The following NUP188 variants were observed in gnomAD, a reference collection of about 807,000 sequenced individuals.
NUP188 encodes nucleoporin NUP188.
A neutral mutation model predicts 223.0 loss-of-function variants in NUP188; 97 were observed. The ratio of observed to expected loss-of-function variants is 0.43; its 90% CI spans 0.37 to 0.51. NUP188 has a LOEUF of 0.51. NUP188 is among the 20% of genes least tolerant of loss of function. The pLI is 0.00. For synonymous variants in NUP188, 869 were observed against 828.0 expected (o/e 1.05, Z -0.85); for missense variants, 1,947 against 2,175.6 (o/e 0.89, Z 2.09).
chr9:128,985,034 A>AGGG lies in NUP188; in HGVS notation c.2076+20_2076+21insGGG, dbSNP rs1200600158. On this transcript the variant is annotated intron_variant, in intron 20 of 43. Coordinates refer to ENST00000372577, the MANE Select transcript of NUP188 (RefSeq NM_015354.3). The stretch of plus-strand genomic sequence containing the variant: ...GTCAAGGTACAGTCTGATTTTGTTC[A>AGGG]CAAAGGGCAGAAAAAGAAAAGGTCC... The AGGG allele has an allele frequency of 5.1e-6, 8 of 1,557,198 alleles. No homozygotes were observed. In the South Asian group the frequency reaches 9.0e-5, roughly 17 times the overall value.
chr9:129,001,969 C>T lies in NUP188; in HGVS notation c.4130C>T (p.Thr1377Ile). 6.2e-7 allele frequency: 1 copy of T among 1,613,900 alleles called. No individual in the cohort carries two copies. Among genetic ancestry groups the T allele is most frequent in the Non-Finnish European group, 8.5e-7 (1 of 1,179,778 alleles). The change falls in exon 36 of 44, where the codon ACA (threonine) becomes ATA (isoleucine). Residue 1377 changes from threonine to isoleucine, a missense_variant. Physicochemically the swap from Thr to Ile is moderately conservative, Grantham distance 89. This residue lies in a region of NUP188 where 905 missense variants were observed against 990.6 expected (regional missense o/e 0.91). Coordinates refer to ENST00000372577, the MANE Select transcript of NUP188 (RefSeq NM_015354.3). ...LSVYQLSTNG[T>I]AQTPSASRKS... ...GTGTACCAGCTGAGCACCAACGGCA[C>T]AGCACAGGTGAGTGTCAGGAGCTTG...
chr9:129,006,704 C>T lies in NUP188; in HGVS notation c.*26C>T, dbSNP rs1842817679. 1 of 1,600,144 alleles carries T rather than the reference C, an allele frequency of 6.2e-7. No homozygotes were observed. The highest frequency in any genetic ancestry group is 8.5e-7 in the Non-Finnish European group (1 of 1,175,126). On this transcript the variant is annotated 3_prime_UTR_variant, in exon 44 of 44. Transcript: ENST00000372577. ...GGCAGTGCTGTTCTGCCCACCTACC[C>T]CTCTCCACCAGCCTACACTGCACCC...
intron 1 of NUP188, 173 bp downstream of exon 1, chr9:128,947,924 G>A (rs890584641): frequency 2.3e-5 from 11 of 481,262 alleles, no homozygotes; most frequent in African/African-American, 2.2e-4. Context: ...CCGCGCGCGG[G>A]GATCTGAAGA....
intron 17 of NUP188, 55 bp from the exon 18 acceptor site, chr9:128,983,237 AG>A: frequency 1.3e-6 from 2 of 1,510,942 alleles, no homozygotes; most frequent in Non-Finnish European, 1.8e-6. Context: ...AATGTTTGTG[AG>A]GGAACCAGTT....
intron 37 of NUP188, 138 bp downstream of exon 37, chr9:129,003,113 G>C: frequency 8.9e-7 from 1 of 1,123,382 alleles, no homozygotes; most frequent in Non-Finnish European, 1.2e-6. Context: ...GATGCTCTAA[G>C]TACTCTGCTG....
At chr9:128,968,763 A>C (rs1306139998) in intron 9 of NUP188, 46 bp downstream of exon 9, 1 of 1,424,118 alleles carries the variant, frequency 7.0e-7, no homozygotes, top group Non-Finnish European at 9.9e-7. Flanking sequence ...TGTTTAGAGC[A>C]TTGATACTAT....
In NUP188 at chr9:128,981,246, T is replaced by G; in HGVS notation, c.1390-18T>G. ...TATCCTGGAGGGAAATGTGTGATGG[T>G]TTTTTCTGTTTTGGCAGGTGTATAG... On this transcript the variant is annotated intron_variant, in intron 14 of 43. Transcript: ENST00000372577. The G allele has an allele frequency of 1.2e-6, 2 of 1,610,518 alleles. No individual in the cohort carries two copies. The highest frequency in any genetic ancestry group is 1.7e-6 in the Non-Finnish European group (2 of 1,178,728).
In NUP188 at chr9:129,005,535, T is replaced by C. The variant is rs1180766210; in HGVS notation, c.4737+5T>C. On this transcript the variant is annotated splice_donor_5th_base_variant and intron_variant, in intron 40 of 43. Coordinates refer to ENST00000372577, the MANE Select transcript of NUP188 (RefSeq NM_015354.3). ...TGCCAGATTCTGCTGGATCAGGTACTGCCCATCATCTGTTCAGCACCACCT... is the reference window on the plus strand; with the variant it reads ...TGCCAGATTCTGCTGGATCAGGTACCGCCCATCATCTGTTCAGCACCACCT... 6.4e-7 allele frequency: 1 copy of C among 1,565,988 alleles called. No homozygotes were observed. The highest frequency in any genetic ancestry group is 1.1e-5 in the South Asian group (1 of 90,212).
At position 128,957,020 on chromosome 9, in the gene NUP188, G is replaced by C. The variant is rs749516968; in HGVS notation, c.315G>C (p.Arg105=). 1.2e-6 allele frequency: 2 copies of C among 1,610,210 alleles called. No individual in the cohort carries two copies. Among genetic ancestry groups the C allele is most frequent in the Non-Finnish European group, 1.7e-6 (2 of 1,177,546 alleles). ...TGCAAGAGGACTACAGGGGTACTCG[G>C]GACTCAGTAAAGGTTTGTGGTTTAT... ...CYLQEDYRGT[R]DSVKTVLQDE... Residue 105 remains arginine (R), a synonymous_variant, in exon 5 of 44, where the codon CGG becomes CGC. Coordinates refer to ENST00000372577, the MANE Select transcript of NUP188 (RefSeq NM_015354.3).
At chr9:128,967,904 T>G (rs1041998032) in intron 8 of NUP188, among the ~76,000 whole-genome samples, 1 of 152,106 alleles carries the variant, frequency 6.6e-6, no homozygotes. Context: ...AAAGCTGCAG[T>G]GAGCTGTGGG....
chr9:128,963,335 G>T (rs1841981101), intron 8 of NUP188, among the ~76,000 whole-genome samples: 1 of 150,002 alleles, frequency 6.7e-6, no homozygotes, highest in South Asian at 2.1e-4. Flanking sequence ...GCCCAGGCTG[G>T]AGTTCAGTGG....
chr9:128,980,108 C>G (rs770924383), intron 13 of NUP188, among the ~76,000 whole-genome samples: 1 of 152,210 alleles, frequency 6.6e-6, no homozygotes, highest in African/African-American at 2.4e-5. Flanking sequence ...CCAGTACTTG[C>G]TCTGAGCATT....
chr9:128,984,916 G>A lies in NUP188; in HGVS notation c.1978G>A (p.Ala660Thr). 1 of 1,612,582 alleles carries A rather than the reference G, an allele frequency of 6.2e-7. No homozygotes were observed. The change falls in exon 20 of 44, where the codon GCT becomes ACT. Residue 660 changes from alanine to threonine, a missense_variant. This residue lies in a region of NUP188 where 817 missense variants were observed against 865.8 expected (regional missense o/e 0.94). Transcript: ENST00000372577. ...SQMISAEGMN[A>T]GGYGNLLMNS... is the part of the protein sequence containing the mutation. ...TTTTTCCAGTGCGGAAGGGATGAAT[G>A]CTGGAGGGTACGGAAACCTCTTGAT...
At chr9:129,002,752 C>T in intron 36 of NUP188, 65 bp from the exon 37 acceptor site, 2 of 1,532,246 alleles carry the variant, frequency 1.3e-6, no homozygotes, top group Non-Finnish European at 1.8e-6. Context: ...GCCTTAGTTG[C>T]TGTACTACAA....
rs181285140 is a variant in NUP188, at chr9:128,964,430, T to C, written c.586-4076T>C. 362 of 202,382 alleles carry C rather than the reference T, an allele frequency of 1.8e-3. 1 individual carries two copies. Among genetic ancestry groups the C allele is most frequent in the African/African-American group, 8.5e-3 (352 of 41,654 alleles). 12.5% of individuals were successfully genotyped at this position (202,382 alleles called of 1,614,324 possible). On this transcript the variant is annotated intron_variant, in intron 8 of 43. Transcript: ENST00000372577. ...AGACTGGAATCCAGTGGTGGGAACA[T>C]GGTTCACTGCAGCCTCGACCTCCCT...
At chr9:128,986,022 A>C (rs528760095) in intron 20 of NUP188, among the ~76,000 whole-genome samples, 9 of 152,244 alleles carry the variant, frequency 5.9e-5, no homozygotes, top group Middle Eastern at 3.4e-3. Context: ...CTAGGTGCCA[A>C]GAGTGAAACT....
At chr9:129,004,316 C>CA in intron 38 of NUP188, among the ~76,000 whole-genome samples, 1 of 151,110 alleles carries the variant, frequency 6.6e-6, no homozygotes, top group East Asian at 1.9e-4. Flanking sequence ...TAAACAAAAC[C>CA]AAAAAAACAC....
Position 128,983,397 on chromosome 9 carries a change from T to C in NUP188, c.1884+17T>C. On this transcript the variant is annotated intron_variant, in intron 18 of 43. Transcript: ENST00000372577. ...CCAGCAAAGGTGAGATGCCAGATCTTCCCAAGAGCCAAAAATGTAGCACTT... is the reference window on the plus strand; with the variant it reads ...CCAGCAAAGGTGAGATGCCAGATCTCCCCAAGAGCCAAAAATGTAGCACTT... 6.2e-7 allele frequency: 1 copy of C among 1,613,986 alleles called. No homozygotes were observed. Among genetic ancestry groups the C allele is most frequent in the Non-Finnish European group, 8.5e-7 (1 of 1,179,854 alleles).
rs1554831641 is a variant in NUP188 at position 129,006,124 on chromosome 9, G to A, written c.4943+1G>A. 6.2e-7 allele frequency: 1 copy of A among 1,614,170 alleles called. No individual in the cohort carries two copies. Among genetic ancestry groups the A allele is most frequent in the Non-Finnish European group, 8.5e-7 (1 of 1,180,030 alleles). On this transcript the variant is annotated splice_donor_variant, in intron 42 of 43. Coordinates refer to ENST00000372577, the MANE Select transcript of NUP188 (RefSeq NM_015354.3). LOFTEE classifies it high-confidence loss of function. ...AGGCAGAAGGGACCAGGACGTTAAA[G>A]TAAGTGCTCTTTCTGGGATTTGATA...
Sources: gnomAD v4.1 joint callset for allele counts (sites outside exome capture counted in the v4.1 genomes callset) on GRCh38, gnomAD v4.1.1 for gene constraint, gnomAD v4.1.1 regional missense constraint, MANE v1.5 for transcripts, NCBI Gene and HGNC (gene_info 2026-07-23, HGNC 2026-07-21) for gene names.